The following ANGPT4 variants were observed in gnomAD, a reference collection of about 807,000 sequenced individuals.
ANGPT4 encodes angiopoietin 4, also known as angiopoietin-4.
Under a neutral mutation model 53.0 loss-of-function variants are expected in ANGPT4, and 50 were observed. The ratio of observed to expected loss-of-function variants is 0.94; its 90% CI spans 0.75 to 1.20. The LOEUF (loss-of-function observed/expected upper bound fraction) is 1.20. ANGPT4 is among the 50% of genes most tolerant of loss of function. The pLI is 0.00. For synonymous variants in ANGPT4, 251 were observed against 259.7 expected (o/e 0.97, Z 0.32); for missense variants, 648 against 637.1 (o/e 1.02, Z -0.18).
chr20:884,670 T>A (rs1026208948), intron 4 of ANGPT4, among the ~76,000 whole-genome samples: 1 of 151,818 alleles, frequency 6.6e-6, no homozygotes, highest in African/African-American at 2.4e-5. Context: ...GTGCATTGAG[T>A]CTAACCTCCC....
At chr20:902,750 G>T (rs1982335376) in intron 1 of ANGPT4, among the ~76,000 whole-genome samples, 1 of 151,988 alleles carries the variant, frequency 6.6e-6, no homozygotes, top group Admixed American at 6.6e-5. Flanking sequence ...GGATGCCAAA[G>T]GACCCCAAGG....
chr20:877,279 C>A (rs1295788830), intron 7 of ANGPT4, among the ~76,000 whole-genome samples: 1 of 152,170 alleles, frequency 6.6e-6, no homozygotes. Context: ...CTATGAAGAA[C>A]CAGATGACAC....
rs929174255 is a variant in ANGPT4 at position 911,807 on chromosome 20, C to G, written c.309+4099G>C. On this transcript the variant is annotated intron_variant, in intron 1 of 8. Coordinates refer to ENST00000381922, the MANE Select transcript of ANGPT4 (RefSeq NM_015985.4). The surrounding 1 kb of genome is among the most constrained non-coding windows in gnomAD (Gnocchi z 4.9). Reference sequence around the variant, plus strand: ...CCCAGTGTGGTTGAGAGAGTCAGACCTTGTCTTTAGGAGAGAGACAGAGAG... The same window carrying G: ...CCCAGTGTGGTTGAGAGAGTCAGACGTTGTCTTTAGGAGAGAGACAGAGAG... Among the ~76,000 whole-genome samples, 2 of 151,684 alleles carry G rather than the reference C, an allele frequency of 1.3e-5. No homozygotes were observed. The highest frequency in any genetic ancestry group is 2.9e-5 in the Non-Finnish European group (2 of 67,932).
intron 1 of ANGPT4, among the ~76,000 whole-genome samples, chr20:906,755 T>G (rs1982492020): frequency 1.3e-5 from 2 of 152,208 alleles, no homozygotes; most frequent in Admixed American, 6.5e-5. Context: ...TCTTGTCCTG[T>G]CTGAGCAGCT....
intron 1 of ANGPT4, 120 bp from the exon 2 acceptor site, chr20:890,488 G>T: frequency 2.2e-6 from 2 of 890,776 alleles, no homozygotes; most frequent in Non-Finnish European, 1.7e-6. Context: ...CTCAGAACAT[G>T]CCGGGCCAGG....
chr20:909,490 A>T (rs1446044607), intron 1 of ANGPT4, among the ~76,000 whole-genome samples: 1 of 152,224 alleles, frequency 6.6e-6, no homozygotes, highest in Admixed American at 6.5e-5. Flanking sequence ...AGGGAACAAA[A>T]GGAAACTATA....
rs368408902 is a variant in ANGPT4, at chr20:879,857, G to A, written c.952-9C>T. The A allele has an allele frequency of 6.2e-7, 1 of 1,607,276 alleles. No homozygotes were observed. The highest frequency in any genetic ancestry group is 8.5e-7 in the Non-Finnish European group (1 of 1,175,970). On this transcript the variant is annotated splice_polypyrimidine_tract_variant and intron_variant, in intron 5 of 8. Transcript: ENST00000381922. ...TGCAGGTCACAGAACACCTGGAGGG[G>A]GTGGGCAAGGCACAGCTGGGAGCCC... is the stretch of plus-strand genomic sequence containing the variant.
intron 3 of ANGPT4, among the ~76,000 whole-genome samples, chr20:887,412 C>T (rs1253896234): frequency 1.3e-5 from 2 of 152,204 alleles, no homozygotes; most frequent in Non-Finnish European, 2.9e-5. Flanking sequence ...TCATTAATTG[C>T]ACCCAGATTA....
chr20:897,056 C>A (rs1285100338), intron 1 of ANGPT4, among the ~76,000 whole-genome samples: 2 of 152,204 alleles, frequency 1.3e-5, no homozygotes, highest in Non-Finnish European at 2.9e-5. Context: ...GTGACCCCTG[C>A]CCCTGCCCGC....
chr20:888,214 G>T, intron 3 of ANGPT4, 104 bp downstream of exon 3: 2 of 1,447,210 alleles, frequency 1.4e-6, no homozygotes, highest in Non-Finnish European at 1.8e-6. Flanking sequence ...TCCGGTCCTG[G>T]CTCCAGCCCC....
At chr20:902,812 T>C (rs149714463) in intron 1 of ANGPT4, among the ~76,000 whole-genome samples, 2 of 152,298 alleles carry the variant, frequency 1.3e-5, no homozygotes, top group African/African-American at 2.4e-5. Context: ...GGTTCCTCAC[T>C]GGTGTCCCCA....
chr20:904,064 G>A (rs1308634992), intron 1 of ANGPT4, among the ~76,000 whole-genome samples: 1 of 152,218 alleles, frequency 6.6e-6, no homozygotes, highest in African/African-American at 2.4e-5. Flanking sequence ...AGCTGTGTGT[G>A]TGTGTTTCAA....
intron 1 of ANGPT4, among the ~76,000 whole-genome samples, chr20:899,575 C>T (rs1435179652): frequency 6.6e-6 from 1 of 152,092 alleles, no homozygotes; most frequent in African/African-American, 2.4e-5. Context: ...CTTTTATGCA[C>T]TCTTTTTTAA....
chr20:886,264 G>C (rs931204543), intron 3 of ANGPT4, among the ~76,000 whole-genome samples: 9 of 152,194 alleles, frequency 5.9e-5, no homozygotes, highest in Admixed American at 5.2e-4. Flanking sequence ...CGTATCACTG[G>C]TTGGATTAGT....
At position 915,922 on chromosome 20, in the gene ANGPT4, G is replaced by C; in HGVS notation, c.293C>G (p.Thr98Arg). The change falls in exon 1 of 9, where the codon ACG (threonine) becomes AGG (arginine). Residue 98 changes from threonine (T) to arginine (R), a missense_variant. Physicochemically the swap from Thr to Arg is moderately conservative, Grantham distance 71. Coordinates refer to ENST00000381922, the MANE Select transcript of ANGPT4 (RefSeq NM_015985.4). Reference protein sequence around the residue: ...KQLEQALQNNTQWLKKLERAI... With the variant: ...KQLEQALQNNRQWLKKLERAI... ...GCCCCGTACCTTCTTCAGCCACTGC[G>C]TGTTGTTCTGCAGTGCCTGCTCCAG... 20 of 1,583,418 alleles carry C rather than the reference G, an allele frequency of 1.3e-5. No homozygotes were observed. The highest frequency in any genetic ancestry group is 1.7e-5 in the Non-Finnish European group (20 of 1,161,354).
At chr20:896,904 C>T (rs924424900) in intron 1 of ANGPT4, among the ~76,000 whole-genome samples, 11 of 152,300 alleles carry the variant, frequency 7.2e-5, no homozygotes, top group African/African-American at 1.2e-4. Flanking sequence ...CAAGCCTGCG[C>T]GTATACATCC....
chr20:890,020 C>T (rs774591096), intron 2 of ANGPT4, among the ~76,000 whole-genome samples, 193 bp downstream of exon 2: 5 of 152,198 alleles, frequency 3.3e-5, no homozygotes, highest in African/African-American at 4.8e-5. Context: ...CCAGCATCCA[C>T]CCCCCAGGGC....
intron 2 of ANGPT4, among the ~76,000 whole-genome samples, chr20:889,181 C>T (rs954485187): frequency 1.9e-4 from 29 of 151,790 alleles, no homozygotes; most frequent in Admixed American, 6.6e-5. Context: ...CATCCCCCCC[C>T]ACCACTCCCA....
At chr20:899,231 T>A (rs929447094) in intron 1 of ANGPT4, among the ~76,000 whole-genome samples, 8 of 150,968 alleles carry the variant, frequency 5.3e-5, no homozygotes, top group Non-Finnish European at 1.2e-4. Flanking sequence ...CTCCCCAGCT[T>A]TGGTGCCAAC....
Sources: gnomAD v4.1 joint callset for allele counts (sites outside exome capture counted in the v4.1 genomes callset) on GRCh38, gnomAD v4.1.1 for gene constraint, Gnocchi (gnomAD v3.1) non-coding constraint, MANE v1.5 for transcripts, NCBI Gene and HGNC (gene_info 2026-07-23, HGNC 2026-07-21) for gene names.